RBFOX1: variants seen among roughly 807,000 people sequenced by gnomAD.
The protein encoded by RBFOX1 is RNA binding fox-1 homolog 1.
Under a neutral mutation model 57.7 loss-of-function variants are expected in RBFOX1, and 8 were observed. The ratio of observed to expected loss-of-function variants is 0.14; its 90% CI spans 0.08 to 0.25. The LOEUF is 0.25. Ranked by LOEUF, RBFOX1 falls within the 10% of genes least tolerant of loss-of-function variation. The pLI is 1.00. For synonymous variants in RBFOX1, 326 were observed against 222.4 expected (o/e 1.47, Z -4.15); for missense variants, 611 against 548.5 (o/e 1.11, Z -1.14).
intron 4 of RBFOX1, among the ~76,000 whole-genome samples, chr16:5,950,128 T>C (rs2059490703): frequency 6.6e-6 from 1 of 152,250 alleles, no homozygotes; most frequent in African/African-American, 2.4e-5. Flanking sequence ...TTTCCACCTG[T>C]AATTGGTAAG....
At chr16:5,706,842 A>T (rs1034831598) in intron 3 of RBFOX1, among the ~76,000 whole-genome samples, 1 of 151,806 alleles carries the variant, frequency 6.6e-6, no homozygotes, top group Non-Finnish European at 1.5e-5. Flanking sequence ...GCAAGAGGGC[A>T]TGGCTTTTTT....
intron 3 of RBFOX1, among the ~76,000 whole-genome samples, chr16:5,620,409 G>T (rs567547028): frequency 2.0e-5 from 3 of 152,160 alleles, no homozygotes; most frequent in Non-Finnish European, 4.4e-5. Context: ...TCTCAGTGCT[G>T]CGTTGGTTGG....
At chr16:6,859,130 C>CGTAT (rs1238966168) in intron 3 of RBFOX1, among the ~76,000 whole-genome samples, 2 of 82,470 alleles carry the variant, frequency 2.4e-5, no homozygotes, top group Non-Finnish European at 4.2e-5. Flanking sequence ...TATATATATA[C>CGTAT]ATATATATAC....
At chr16:5,300,351 G>T (rs1389734665) in intron 1 of RBFOX1, among the ~76,000 whole-genome samples, 1 of 152,100 alleles carries the variant, frequency 6.6e-6, no homozygotes, top group Non-Finnish European at 1.5e-5. Context: ...AGGGATCTTG[G>T]GGACTCGGGA....
At chr16:7,457,424 C>G (rs143263170) in intron 4 of RBFOX1, among the ~76,000 whole-genome samples, 1 of 152,154 alleles carries the variant, frequency 6.6e-6, no homozygotes, top group East Asian at 1.9e-4. Context: ...ATTAGTGTTG[C>G]GTGGATTGAA....
At chr16:6,599,518 A>G (rs2154003736) in intron 2 of RBFOX1, among the ~76,000 whole-genome samples, 1 of 152,328 alleles carries the variant, frequency 6.6e-6, no homozygotes, top group East Asian at 1.9e-4. Context: ...TAAGTGAGAG[A>G]ATCTAGTGGC....
intron 4 of RBFOX1, among the ~76,000 whole-genome samples, chr16:7,214,271 C>A (rs544452943): frequency 6.6e-6 from 1 of 152,106 alleles, no homozygotes; most frequent in Non-Finnish European, 1.5e-5. Flanking sequence ...GAATTTCTTA[C>A]GCATATGGGA....
chr16:5,612,841 A>T (rs2047873522), intron 3 of RBFOX1, among the ~76,000 whole-genome samples: 1 of 152,244 alleles, frequency 6.6e-6, no homozygotes, highest in African/African-American at 2.4e-5. Context: ...CATGAGGCAG[A>T]AACCTAGCTA....
At chr16:7,309,206 C>T (rs939648949) in intron 4 of RBFOX1, among the ~76,000 whole-genome samples, 2 of 152,178 alleles carry the variant, frequency 1.3e-5, no homozygotes, top group Non-Finnish European at 2.9e-5. Flanking sequence ...TTTCTCTGAT[C>T]TTTTCCGATT....
At chr16:7,030,256 G>A (rs1433404951) in intron 3 of RBFOX1, among the ~76,000 whole-genome samples, 1 of 152,154 alleles carries the variant, frequency 6.6e-6, no homozygotes, top group Non-Finnish European at 1.5e-5. Context: ...ATGGAGTGGA[G>A]TGCCTCTGTT....
At chr16:5,321,240 G>A (rs984556040) in intron 1 of RBFOX1, among the ~76,000 whole-genome samples, 3 of 152,112 alleles carry the variant, frequency 2.0e-5, no homozygotes, top group Non-Finnish European at 4.4e-5. Context: ...GACGTTGAAT[G>A]TCTCCTGAGG....
At chr16:5,884,886 A>G (rs1473252280) in intron 4 of RBFOX1, among the ~76,000 whole-genome samples, 1 of 152,008 alleles carries the variant, frequency 6.6e-6, no homozygotes. Context: ...TCTTTCTCCC[A>G]TTTTGCCATA....
chr16:6,287,568 G>A (rs1458228180), intron 1 of RBFOX1, among the ~76,000 whole-genome samples: 1 of 152,112 alleles, frequency 6.6e-6, no homozygotes, highest in East Asian at 1.9e-4. Context: ...ACAGGGCAGT[G>A]CCTGATTCAT....
intron 4 of RBFOX1, among the ~76,000 whole-genome samples, chr16:7,359,282 T>C (rs1445763584): frequency 1.3e-5 from 2 of 152,206 alleles, no homozygotes; most frequent in Non-Finnish European, 2.9e-5. Flanking sequence ...AAATAGTATA[T>C]AGCTGTATGT....
In RBFOX1 at chr16:5,917,042, C is replaced by G. The variant is rs141682501; in HGVS notation, c.351+49707C>G. ...AGTCAGAAGGGCTTCCACTGAGTCG[C>G]CCTTTCTCCCTTCACCGCACCCTGC... On this transcript the variant is annotated intron_variant, in intron 4 of 19. Transcript: ENST00000641259. 9.4e-3 allele frequency among the ~76,000 whole-genome samples: 1,426 copies of G among 152,186 alleles called. 19 individuals carry two copies. The highest frequency in any genetic ancestry group is 0.033 in the African/African-American group (1,372 of 41,532).
chr16:5,883,066 G>T (rs1319466535), intron 4 of RBFOX1, among the ~76,000 whole-genome samples: 1 of 152,150 alleles, frequency 6.6e-6, no homozygotes, highest in East Asian at 1.9e-4. Context: ...CAAGCAGCCA[G>T]TTTATTGGCA....
intron 4 of RBFOX1, among the ~76,000 whole-genome samples, chr16:7,264,915 G>T (rs1387966675): frequency 6.6e-6 from 1 of 152,188 alleles, no homozygotes; most frequent in Non-Finnish European, 1.5e-5. Context: ...CCCACAGAAA[G>T]ATCCATCAGG....
chr16:6,636,674 A>G (rs536203763), intron 2 of RBFOX1, among the ~76,000 whole-genome samples: 1 of 149,568 alleles, frequency 6.7e-6, no homozygotes, highest in Admixed American at 6.8e-5. Flanking sequence ...GAGCTACATC[A>G]CATAAACATT....
intron 3 of RBFOX1, among the ~76,000 whole-genome samples, chr16:6,890,974 C>T (rs1166080518): frequency 6.6e-6 from 1 of 152,204 alleles, no homozygotes; most frequent in African/African-American, 2.4e-5. Context: ...CGTGTGGAGT[C>T]ACCTGGTTCT....
Sources: gnomAD v4.1 joint callset for allele counts (sites outside exome capture counted in the v4.1 genomes callset) on GRCh38, gnomAD v4.1.1 for gene constraint, MANE v1.5 for transcripts, NCBI Gene and HGNC (gene_info 2026-07-23, HGNC 2026-07-21) for gene names.